MYPN: variants seen among roughly 807,000 people sequenced by gnomAD.
The protein encoded by MYPN is myopalladin.
MYPN carries 63 observed loss-of-function variants against 129.4 expected under a neutral mutation model. The observed-to-expected ratio is 0.49, with a 90% CI of 0.40 to 0.60. MYPN has a LOEUF of 0.60. MYPN is among the 20% of genes least tolerant of loss of function. MYPN has a pLI of 0.00. For missense variants in MYPN, 1,596 were observed against 1,635.4 expected (o/e 0.98, Z 0.42); for synonymous variants, 629 against 600.9 (o/e 1.05, Z -0.68).
chr10:68,206,927 A>G, intron 19 of MYPN, 24 bp downstream of exon 19: 2 of 1,613,948 alleles, frequency 1.2e-6, no homozygotes, highest in Non-Finnish European at 1.7e-6. Flanking sequence ...TGTTAGTTGA[A>G]CATCTGTATG....
At chr10:68,153,987 G>A (rs1438982238) in intron 6 of MYPN, among the ~76,000 whole-genome samples, 3 of 151,744 alleles carry the variant, frequency 2.0e-5, no homozygotes, top group African/African-American at 7.3e-5. Context: ...CTCTGCTGGT[G>A]ACAGCGAAGT....
chr10:68,131,243 G>A (rs4746730), intron 2 of MYPN, among the ~76,000 whole-genome samples: 1 of 152,046 alleles, frequency 6.6e-6, no homozygotes, highest in Non-Finnish European at 1.5e-5. Context: ...ACAAAAATTA[G>A]CAGAGCATAG....
intron 12 of MYPN, 60 bp from the exon 13 acceptor site, chr10:68,188,845 A>G: frequency 1.4e-6 from 2 of 1,420,192 alleles, no homozygotes; most frequent in Non-Finnish European, 2.0e-6. Flanking sequence ...CCTCAATTGT[A>G]CTGATGGACA....
At chr10:68,144,707 TTAA>T (rs2042633501) in intron 3 of MYPN, among the ~76,000 whole-genome samples, 1 of 152,074 alleles carries the variant, frequency 6.6e-6, no homozygotes, top group African/African-American at 2.4e-5. Context: ...GTATGACTTG[TTAA>T]TATTAGGACT....
chr10:68,188,854 C>T (rs754973679), intron 12 of MYPN, 51 bp from the exon 13 acceptor site: 4 of 1,481,956 alleles, frequency 2.7e-6, no homozygotes, highest in Non-Finnish European at 3.7e-6. Context: ...TACTGATGGA[C>T]ATGTTCTTCC....
At chr10:68,089,410 C>A (rs1477957285) in intron 1 of MYPN, among the ~76,000 whole-genome samples, 3 of 152,076 alleles carry the variant, frequency 2.0e-5, no homozygotes, top group African/African-American at 7.3e-5. Flanking sequence ...GGCGCGATCT[C>A]GGCTCACTGC....
chr10:68,190,788 T>C (rs983045626), intron 13 of MYPN, among the ~76,000 whole-genome samples: 1 of 152,166 alleles, frequency 6.6e-6, no homozygotes, highest in African/African-American at 2.4e-5. Flanking sequence ...TGTTTCCCCA[T>C]TGTTTTCTTC....
chr10:68,193,506 T>C (rs2043549788), intron 13 of MYPN, among the ~76,000 whole-genome samples: 2 of 152,196 alleles, frequency 1.3e-5, no homozygotes, highest in Admixed American at 1.3e-4. Flanking sequence ...CTGTATTAGG[T>C]TGGTAAATGC....
Position 68,095,170 on chromosome 10 carries a change from C to T in MYPN, c.-2+7178C>T, listed in dbSNP as rs916290180. Reference sequence around the variant, plus strand: ...ACCAGCCTTGGCAACATGGTAAAACCCCTTCTCTACAAAAAATTCAAAAAT... The same window carrying T: ...ACCAGCCTTGGCAACATGGTAAAACTCCTTCTCTACAAAAAATTCAAAAAT... On this transcript the variant is annotated intron_variant, in intron 1 of 6. Transcript: ENST00000685154. 2.6e-5 allele frequency among the ~76,000 whole-genome samples: 4 copies of T among 151,884 alleles called. No homozygotes were observed. The South Asian group carries it at 8.3e-4, about 32-fold the overall frequency.
chr10:68,189,258 T>C, intron 13 of MYPN, 132 bp downstream of exon 13: 1 of 707,938 alleles, frequency 1.4e-6, no homozygotes, highest in South Asian at 1.6e-5. Context: ...TAGTTGTACA[T>C]GTTTTAGGGT....
intron 7 of MYPN, among the ~76,000 whole-genome samples, chr10:68,160,386 C>T (rs1008348885): frequency 7.2e-5 from 10 of 138,290 alleles, no homozygotes; most frequent in Non-Finnish European, 1.2e-4. Context: ...GCTGAGATCA[C>T]GCCACTGCAT....
rs1340400509 is a variant in MYPN at position 68,211,693 on chromosome 10, G to A, written c.*1238G>A. ...AGTAGACATTCAATAAATATTTGCT[G>A]GTTGAATGAATCTTCTGTTATTATG... On this transcript the variant is annotated 3_prime_UTR_variant, in exon 20 of 20. Coordinates refer to ENST00000358913, the MANE Select transcript of MYPN (RefSeq NM_032578.4). The A allele has an allele frequency of 2.2e-6, 1 of 453,932 alleles. No homozygotes were observed. The highest frequency in any genetic ancestry group is 4.4e-6 in the Non-Finnish European group (1 of 226,788). The allele number at this position is 453,932 out of a possible 1,614,324, so 28.1% of individuals were successfully genotyped here.
chr10:68,135,513 G>A lies in MYPN; in HGVS notation c.903-7427G>A, dbSNP rs74878633. ...CTGATGCTTGGAGAGAGCTGGAAATGTGAGTAAGCAAATGTACTACTTTTT... is the reference window on the plus strand; with the variant it reads ...CTGATGCTTGGAGAGAGCTGGAAATATGAGTAAGCAAATGTACTACTTTTT... On this transcript the variant is annotated intron_variant, in intron 2 of 19. Coordinates refer to ENST00000358913, the MANE Select transcript of MYPN (RefSeq NM_032578.4). 4,965 of 984,390 alleles carry A rather than the reference G, an allele frequency of 5.0e-3. 182 individuals carry two copies. In the African/African-American group the frequency reaches 0.073, roughly 15 times the overall value. 61.0% of individuals were successfully genotyped at this position (984,390 alleles called of 1,614,324 possible). A position where few individuals can be genotyped will look rare whatever the true frequency, so the allele number is the denominator to read the frequency against.
At chr10:68,191,073 T>G (rs932743349) in intron 13 of MYPN, among the ~76,000 whole-genome samples, 1 of 152,114 alleles carries the variant, frequency 6.6e-6, no homozygotes, top group Non-Finnish European at 1.5e-5. Context: ...AGTACCATGG[T>G]GTTTTGGATA....
At chr10:68,121,371 T>C in intron 1 of MYPN, 67 bp from the exon 2 acceptor site, 1 of 1,404,516 alleles carries the variant, frequency 7.1e-7, no homozygotes, top group Non-Finnish European at 9.8e-7. Context: ...TGCAGTGCTA[T>C]AATAGACATA....
rs759619043 is a variant in MYPN, at chr10:68,210,470, C to A, written c.*15C>A. On this transcript the variant is annotated 3_prime_UTR_variant, in exon 20 of 20. Coordinates refer to ENST00000358913, the MANE Select transcript of MYPN (RefSeq NM_032578.4). ...ATGAACTTTAAGAATGTCTAGGTAC[C>A]TGCTGTGTAAGAGAGCGGACTGTGG... The A allele has an allele frequency of 1.9e-6, 3 of 1,613,840 alleles. No homozygotes were observed. Among genetic ancestry groups the A allele is most frequent in the Non-Finnish European group, 2.5e-6 (3 of 1,179,924 alleles).
chr10:68,145,974 T>G (rs2042660045), intron 4 of MYPN, among the ~76,000 whole-genome samples: 1 of 152,232 alleles, frequency 6.6e-6, no homozygotes, highest in Admixed American at 6.5e-5. Flanking sequence ...TCCTGTCTGC[T>G]TCTGCCTTTT....
At position 68,174,281 on chromosome 10, in the gene MYPN, C is replaced by T. The variant is rs373040567; in HGVS notation, c.2189C>T (p.Thr730Met). The change falls in exon 11 of 20, where the codon ACG (threonine) becomes ATG (methionine). Residue 730 changes from threonine to methionine, a missense_variant. Thr to Met is a moderately conservative substitution (Grantham distance 81, BLOSUM62 -1). Transcript: ENST00000358913. ...LARPKYFFPS[T>M]NTTAATVAPS... is the part of the protein sequence containing the mutation. ...CGGCCGAAGTATTTCTTCCCCTCCA[C>T]GAACACCACCGCAGCAACTGTGGCC... 1.1e-5 allele frequency: 18 copies of T among 1,614,048 alleles called. No homozygotes were observed. Among genetic ancestry groups the T allele is most frequent in the East Asian group, 1.1e-4 (5 of 44,894 alleles).
intron 7 of MYPN, among the ~76,000 whole-genome samples, 163 bp downstream of exon 7, chr10:68,158,790 G>T (rs978722807): frequency 1.1e-4 from 17 of 152,084 alleles, no homozygotes; most frequent in Admixed American, 9.8e-4. Flanking sequence ...TGTTCTCCAA[G>T]AATTTTTCCA....
Sources: allele counts gnomAD v4.1 joint callset (sites outside exome capture counted in the v4.1 genomes callset), GRCh38; gene constraint gnomAD v4.1.1; transcripts MANE v1.5; gene names NCBI Gene and HGNC (gene_info 2026-07-23, HGNC 2026-07-21).